Variants in HS3ST4 observed in about 807,000 individuals in gnomAD.
HS3ST4 encodes heparan sulfate-glucosamine 3-sulfotransferase 4, also known as heparan sulfate glucosamine 3-O-sulfotransferase 4.
Under a neutral mutation model 29.2 loss-of-function variants are expected in HS3ST4, and 17 were observed. The ratio of observed to expected loss-of-function variants is 0.58; its 90% CI spans 0.40 to 0.87. The LOEUF (loss-of-function observed/expected upper bound fraction) is 0.87. HS3ST4 is among the 40% of genes least tolerant of loss of function. The probability of loss-of-function intolerance (pLI) is 0.00; values close to 1 mark genes in which losing one functional copy is unlikely to be tolerated. For synonymous variants in HS3ST4, 314 were observed against 285.7 expected (o/e 1.10, Z -1.00); for missense variants, 627 against 634.5 (o/e 0.99, Z 0.13).
intron 1 of HS3ST4, among the ~76,000 whole-genome samples, chr16:25,923,702 C>T (rs1968376700): frequency 6.6e-6 from 1 of 152,194 alleles, no homozygotes; most frequent in African/African-American, 2.4e-5. Flanking sequence ...TGTCCCCTCT[C>T]ACTGCCTGCA....
intron 1 of HS3ST4, among the ~76,000 whole-genome samples, chr16:25,767,377 G>C (rs1025615225): frequency 2.0e-5 from 3 of 152,092 alleles, no homozygotes; most frequent in African/African-American, 7.2e-5. Context: ...ATTAGTGAAG[G>C]GGGCCAGGTG....
chr16:25,827,997 T>C (rs1967237571), intron 1 of HS3ST4, among the ~76,000 whole-genome samples: 1 of 151,942 alleles, frequency 6.6e-6, no homozygotes, highest in South Asian at 2.1e-4. Context: ...TTTTAACTTC[T>C]ATTTTAGGGT....
In HS3ST4 at chr16:25,951,863, C is replaced by A. The variant is rs183078302; in HGVS notation, c.735-183749C>A. ...AGTCTGCCACCTGACTTTGTACAGC[C>A]CACGAGCTAAGAATGATTTTTACAT... On this transcript the variant is annotated intron_variant, in intron 1 of 1. Coordinates refer to ENST00000331351, the MANE Select transcript of HS3ST4 (RefSeq NM_006040.3). 3.3e-5 allele frequency among the ~76,000 whole-genome samples: 5 copies of A among 152,084 alleles called. No homozygotes were observed. In the East Asian group the frequency reaches 5.8e-4, roughly 18 times the overall value.
chr16:26,091,765 G>A (rs902102306), intron 1 of HS3ST4, among the ~76,000 whole-genome samples: 1 of 152,198 alleles, frequency 6.6e-6, no homozygotes, highest in African/African-American at 2.4e-5. Flanking sequence ...TTCCCATGAT[G>A]TGCCAAGAAT....
chr16:26,016,660 T>C (rs547808007), intron 1 of HS3ST4, among the ~76,000 whole-genome samples: 11 of 152,320 alleles, frequency 7.2e-5, no homozygotes, highest in Non-Finnish European at 1.5e-4. Context: ...AGTGAAGATA[T>C]AGCAAGTCTT....
intron 1 of HS3ST4, among the ~76,000 whole-genome samples, chr16:25,855,760 G>C (rs1967568692): frequency 6.6e-6 from 1 of 152,078 alleles, no homozygotes; most frequent in African/African-American, 2.4e-5. Flanking sequence ...TGTATGTTTA[G>C]TCGTTTGTGG....
chr16:25,878,353 A>T (rs9925379), intron 1 of HS3ST4, among the ~76,000 whole-genome samples: 4 of 151,846 alleles, frequency 2.6e-5, no homozygotes, highest in Non-Finnish European at 5.9e-5. Context: ...TTCTTTAACC[A>T]CCAGGGGTGT....
At chr16:26,084,611 A>T (rs78297731) in intron 1 of HS3ST4, among the ~76,000 whole-genome samples, 5,100 of 151,992 alleles carry the variant, frequency 0.034, 264 homozygotes, top group African/African-American at 0.11. Context: ...GGTTGAAAAA[A>T]ATTTTTTTTT....
At chr16:25,882,814 A>G (rs1451187557) in intron 1 of HS3ST4, among the ~76,000 whole-genome samples, 1 of 152,178 alleles carries the variant, frequency 6.6e-6, no homozygotes, top group Non-Finnish European at 1.5e-5. Flanking sequence ...CACAAGAATA[A>G]TTAACATGGT....
In HS3ST4 at chr16:25,873,274, CCATT is replaced by C. The variant is rs368153292; in HGVS notation, c.734+180127_734+180130del. Among the ~76,000 whole-genome samples the C allele has an allele frequency of 9.6e-3, 1,044 of 109,234 alleles. 4 individuals are homozygous for C. Among genetic ancestry groups the C allele is most frequent in the East Asian group, 0.048 (130 of 2,686 alleles). The allele number at this position is 109,234 out of a possible 152,430, so 71.7% of individuals were successfully genotyped here. A position where few individuals can be genotyped will look rare whatever the true frequency, so the allele number is the denominator to read the frequency against. ...GCAAGCCATCCATCCATCCATTTGT[CCATT>C]CATCCATCCATCCATCCATCCATCC... On this transcript the variant is annotated intron_variant, in intron 1 of 1. Transcript: ENST00000331351.
chr16:26,115,235 GTA>G (rs777403712), intron 1 of HS3ST4, among the ~76,000 whole-genome samples: 1 of 134,500 alleles, frequency 7.4e-6, no homozygotes, highest in Non-Finnish European at 1.7e-5. Context: ...GTATATGTGT[GTA>G]TGTGTGTGTA....
chr16:26,012,771 G>C (rs1230151729), intron 1 of HS3ST4, among the ~76,000 whole-genome samples: 1 of 152,142 alleles, frequency 6.6e-6, no homozygotes, highest in East Asian at 1.9e-4. Flanking sequence ...AATGCTCATT[G>C]AATAAATAGA....
intron 1 of HS3ST4, among the ~76,000 whole-genome samples, chr16:25,803,762 G>C (rs1382704917): frequency 6.6e-6 from 1 of 152,096 alleles, no homozygotes; most frequent in Non-Finnish European, 1.5e-5. Context: ...CATTGTTTCT[G>C]ACATCCATTG....
intron 1 of HS3ST4, among the ~76,000 whole-genome samples, chr16:26,002,513 C>A (rs1168217032): frequency 1.3e-5 from 2 of 152,058 alleles, no homozygotes; most frequent in Admixed American, 1.3e-4. Flanking sequence ...GACTGGAAAT[C>A]TGACTAGCTG....
intron 1 of HS3ST4, among the ~76,000 whole-genome samples, chr16:25,950,726 G>A (rs1255033462): frequency 6.6e-6 from 1 of 152,076 alleles, no homozygotes; most frequent in Non-Finnish European, 1.5e-5. Flanking sequence ...CATCGACTTT[G>A]GAGTCCCACA....
In HS3ST4 at chr16:25,692,500, AG is replaced by A; in HGVS notation, c.87del (p.Pro30ArgfsTer120). ...AAPPPPGASA[K>X]GPPARKLLFM... ...CCGCCGCCGCCCGGCGCCTCTGCTAAGGGGCCGCCGGCGCGCAAGCTGCTTT... is the reference window on the plus strand; with the variant it reads ...CCGCCGCCGCCCGGCGCCTCTGCTAAGGGCCGCCGGCGCGCAAGCTGCTTT... On this transcript the variant is annotated frameshift_variant, in exon 1 of 2. Transcript: ENST00000331351. LOFTEE classifies it high-confidence loss of function. The A allele has an allele frequency of 7.1e-7, 1 of 1,405,680 alleles. No individual in the cohort carries two copies. Among genetic ancestry groups the A allele is most frequent in the Non-Finnish European group, 9.4e-7 (1 of 1,066,532 alleles). The allele number at this position is 1,405,680 out of a possible 1,614,324, so 87.1% of individuals were successfully genotyped here.
chr16:26,126,822 G>A (rs536909328), intron 1 of HS3ST4, among the ~76,000 whole-genome samples: 1 of 152,282 alleles, frequency 6.6e-6, no homozygotes, highest in South Asian at 2.1e-4. Flanking sequence ...CCAGAATGTT[G>A]ACAGTGCTGA....
chr16:26,060,077 C>T (rs984321574), intron 1 of HS3ST4, among the ~76,000 whole-genome samples: 2 of 152,148 alleles, frequency 1.3e-5, no homozygotes, highest in African/African-American at 4.8e-5. Flanking sequence ...TGCGCCCAGC[C>T]TATTACTATT....
intron 1 of HS3ST4, among the ~76,000 whole-genome samples, chr16:25,957,023 G>C (rs1225171145): frequency 6.7e-6 from 1 of 149,026 alleles, no homozygotes; most frequent in East Asian, 2.0e-4. Flanking sequence ...AAAAAGCATG[G>C]GTTTTGTGTT....
Sources: allele counts gnomAD v4.1 joint callset (sites outside exome capture counted in the v4.1 genomes callset), GRCh38; gene constraint gnomAD v4.1.1; transcripts MANE v1.5; gene names NCBI Gene and HGNC (gene_info 2026-07-23, HGNC 2026-07-21).